The following COL5A2 variants were observed in gnomAD, a reference collection of about 807,000 sequenced individuals.
COL5A2 encodes the protein collagen type V alpha 2 chain, also known as collagen alpha-2(V) chain.
A neutral mutation model predicts 208.2 loss-of-function variants in COL5A2; 23 were observed. The observed-to-expected ratio is 0.11, with a 90% CI of 0.08 to 0.16. The LOEUF (loss-of-function observed/expected upper bound fraction) is 0.16. Among genes scored for constraint, COL5A2 ranks in the 10% least tolerant of loss-of-function variants. The probability of loss-of-function intolerance (pLI) is 1.00; values close to 1 mark genes in which losing one functional copy is unlikely to be tolerated. For synonymous variants in COL5A2, 625 were observed against 628.5 expected, an observed-to-expected ratio of 0.99 and a Z score of 0.08; for missense variants, 1,590 against 1,956.4, an observed-to-expected ratio of 0.81 and a Z score of 3.53.
intron 33 of COL5A2, among the ~76,000 whole-genome samples, 197 bp downstream of exon 33, chr2:189,058,232 G>A (rs572495314): frequency 1.9e-4 from 29 of 152,158 alleles, no homozygotes; most frequent in Admixed American, 3.3e-4. Context: ...CATCAAAGAA[G>A]AGAGTCTTCT....
chr2:189,104,298 A>G, intron 2 of COL5A2, 21 bp from the exon 3 acceptor site: 2 of 1,458,330 alleles, frequency 1.4e-6, no homozygotes, highest in Non-Finnish European at 1.9e-6. Flanking sequence ...AAAAGAGTAA[A>G]TGTGTTATTT....
chr2:189,251,124 G>A, the COL5A2 span, among the ~76,000 whole-genome samples: 2 of 151,708 alleles, frequency 1.3e-5, no homozygotes, highest in African/African-American at 4.8e-5. Flanking sequence ...TTGATGGGGG[G>A]CATGGCTCTA....
At chr2:189,232,397 CAT>C in the COL5A2 span, among the ~76,000 whole-genome samples, 1 of 151,490 alleles carries the variant, frequency 6.6e-6, no homozygotes, top group East Asian at 1.9e-4. Flanking sequence ...CTATTCATGA[CAT>C]AATTATTTTA....
At chr2:189,130,115 A>G (rs368323997) in intron 1 of COL5A2, among the ~76,000 whole-genome samples, 52 of 152,052 alleles carry the variant, frequency 3.4e-4, no homozygotes, top group African/African-American at 1.3e-3. Flanking sequence ...GCAACGGACA[A>G]ACACATTCCT....
At chr2:189,156,738 CT>C (rs1186088931) in intron 1 of COL5A2, among the ~76,000 whole-genome samples, 2 of 152,058 alleles carry the variant, frequency 1.3e-5, no homozygotes, top group African/African-American at 4.8e-5. Context: ...AGTCTGTTAT[CT>C]GATAATAAGT....
the COL5A2 span, among the ~76,000 whole-genome samples, chr2:189,352,470 C>CCTGA: frequency 0.037 from 5,545 of 151,816 alleles, 114 homozygotes; most frequent in Admixed American, 0.05. Flanking sequence ...TCTGTTGTTT[C>CCTGA]CTTTTTAATG....
the COL5A2 span, among the ~76,000 whole-genome samples, chr2:189,252,168 T>A: frequency 6.6e-6 from 1 of 152,188 alleles, no homozygotes; most frequent in Non-Finnish European, 1.5e-5. Flanking sequence ...TTGGTGGGAC[T>A]GTAAACTAGT....
At chr2:189,321,676 G>A in the COL5A2 span, among the ~76,000 whole-genome samples, 4 of 152,138 alleles carry the variant, frequency 2.6e-5, no homozygotes, top group Non-Finnish European at 2.9e-5. Context: ...CAAGTCCTTA[G>A]ACTTGCTACT....
At chr2:189,241,518 C>T in the COL5A2 span, among the ~76,000 whole-genome samples, 1 of 151,934 alleles carries the variant, frequency 6.6e-6, no homozygotes, top group Non-Finnish European at 1.5e-5. Flanking sequence ...GTATTGAGAC[C>T]CCATCTCTAC....
rs746722538 is a variant in COL5A2, at chr2:189,054,230, A to G, written c.2392-18T>C. 6.8e-6 allele frequency: 11 copies of G among 1,605,962 alleles called. No homozygotes were observed. Among genetic ancestry groups the G allele is most frequent in the South Asian group, 4.4e-5 (4 of 90,902 alleles). ...GGAAGACCCTGTCAATTAACAGAACATAGGCATATTGAGGTAAAAAATGCA... is the reference window on the plus strand; with the variant it reads ...GGAAGACCCTGTCAATTAACAGAACGTAGGCATATTGAGGTAAAAAATGCA... On this transcript the variant is annotated intron_variant, in intron 35 of 53. Transcript: ENST00000374866.
chr2:189,061,504 A>T lies in COL5A2; in HGVS notation c.2031+58T>A, dbSNP rs550384988. The T allele has an allele frequency of 9.4e-4, 1,113 of 1,182,460 alleles. 2 individuals carry two copies. Among genetic ancestry groups the T allele is most frequent in the South Asian group, 2.2e-3 (163 of 75,676 alleles). 73.2% of individuals were successfully genotyped at this position (1,182,460 alleles called of 1,614,324 possible). ...TCTTCTGACCATATCTTTTTTTTTA[A>T]AAAAAAAAAGCATTTTAGTTAATGG... On this transcript the variant is annotated intron_variant, in intron 30 of 53. Coordinates refer to ENST00000374866, the MANE Select transcript of COL5A2 (RefSeq NM_000393.5).
At chr2:189,043,629 C>G (rs144783715) in intron 47 of COL5A2, among the ~76,000 whole-genome samples, 1 of 151,998 alleles carries the variant, frequency 6.6e-6, no homozygotes, top group Non-Finnish European at 1.5e-5. Flanking sequence ...AATATTGCTA[C>G]CATATATAGA....
intron 21 of COL5A2, 134 bp downstream of exon 21, chr2:189,067,881 A>G: frequency 1.3e-6 from 1 of 774,110 alleles, no homozygotes; most frequent in Non-Finnish European, 2.3e-6. Context: ...CTTTCACTTC[A>G]CAAAGACTCC....
chr2:189,320,242 T>C, the COL5A2 span, among the ~76,000 whole-genome samples: 171 of 152,110 alleles, frequency 1.1e-3, no homozygotes, highest in African/African-American at 3.8e-3. Context: ...AACTGAAAAT[T>C]CTAAAAATCA....
At chr2:189,057,086 G>C in intron 34 of COL5A2, 60 bp from the exon 35 acceptor site, 1 of 1,560,564 alleles carries the variant, frequency 6.4e-7, no homozygotes, top group Non-Finnish European at 8.8e-7. Flanking sequence ...ACACTTGTGT[G>C]TAAGTTTCAT....
the COL5A2 span, among the ~76,000 whole-genome samples, chr2:189,278,523 T>A: frequency 1.3e-5 from 2 of 152,172 alleles, no homozygotes; most frequent in African/African-American, 4.8e-5. Context: ...TCAAATAGTT[T>A]TTAGAATTTT....
At chr2:189,423,053 A>AATT in the COL5A2 span, among the ~76,000 whole-genome samples, 1 of 151,608 alleles carries the variant, frequency 6.6e-6, no homozygotes, top group African/African-American at 2.4e-5. Flanking sequence ...AAGAAAAGAA[A>AATT]ATTCACCCCA....
At chr2:189,288,274 C>A in the COL5A2 span, among the ~76,000 whole-genome samples, 8 of 152,140 alleles carry the variant, frequency 5.3e-5, no homozygotes, top group African/African-American at 1.9e-4. Flanking sequence ...TTGTCTTTCT[C>A]CTGCACATTA....
At chr2:189,168,664 T>C (rs1426114290) in intron 1 of COL5A2, among the ~76,000 whole-genome samples, 1 of 152,184 alleles carries the variant, frequency 6.6e-6, no homozygotes, top group Non-Finnish European at 1.5e-5. Flanking sequence ...ATTAAATCTC[T>C]ATAAATAAAT....
Sources: gnomAD v4.1 joint callset for allele counts (sites outside exome capture counted in the v4.1 genomes callset) on GRCh38, gnomAD v4.1.1 for gene constraint, MANE v1.5 for transcripts, NCBI Gene and HGNC (gene_info 2026-07-23, HGNC 2026-07-21) for gene names.